The following PCDH15 variants were observed in gnomAD, a reference collection of about 807,000 sequenced individuals.
The protein encoded by PCDH15 is protocadherin related 15, also known as protocadherin-15.
In PCDH15, 129 loss-of-function variants were observed where a neutral mutation model predicts 178.5. The observed-to-expected ratio is 0.72, with a 90% CI of 0.63 to 0.84. The LOEUF (loss-of-function observed/expected upper bound fraction) is 0.84. PCDH15 is among the 40% of genes least tolerant of loss of function. The pLI is 0.00. For synonymous variants in PCDH15, 800 were observed against 732.0 expected (o/e 1.09, Z -1.50); for missense variants, 2,230 against 2,099.9 (o/e 1.06, Z -1.21).
chr10:54,003,736 CAAAAA>C lies in PCDH15; in HGVS notation c.2752-7976_2752-7972del, dbSNP rs55871741. 8.3e-3 allele frequency among the ~76,000 whole-genome samples: 633 copies of C among 76,204 alleles called. 1 individual carries two copies. The highest frequency in any genetic ancestry group is 0.018 in the African/African-American group (331 of 18,782). The allele number at this position is 76,204 out of a possible 152,430, so 50.0% of individuals were successfully genotyped here. A position where few individuals can be genotyped will look rare whatever the true frequency, so the allele number is the denominator to read the frequency against. On this transcript the variant is annotated intron_variant, in intron 20 of 37. Coordinates refer to ENST00000644397, the MANE Select transcript of PCDH15 (RefSeq NM_001384140.1). ...AATACTAATCTTACTCAAACTATTC[CAAAAA>C]AAAAAAAAAAAAAAAAAAAACAGGA... is the stretch of plus-strand genomic sequence containing the variant.
intron 15 of PCDH15, among the ~76,000 whole-genome samples, chr10:54,122,041 AC>A (rs1441025865): frequency 1.5e-5 from 2 of 135,890 alleles, no homozygotes; most frequent in Non-Finnish European, 3.0e-5. Context: ...ACAGAGACAG[AC>A]ACACACACAC....
At chr10:55,372,537 A>G (rs1004425409) in intron 2 of PCDH15, among the ~76,000 whole-genome samples, 2 of 152,182 alleles carry the variant, frequency 1.3e-5, no homozygotes, top group African/African-American at 4.8e-5. Flanking sequence ...GCATGAGGGA[A>G]AATAGTCAAA....
intron 18 of PCDH15, among the ~76,000 whole-genome samples, chr10:54,038,800 A>G (rs1212766507): frequency 2.0e-5 from 3 of 152,022 alleles, no homozygotes; most frequent in South Asian, 4.1e-4. Context: ...TTCTTAGAGT[A>G]TAAAATCCTT....
chr10:54,516,801 A>G (rs1473064614), intron 3 of PCDH15, among the ~76,000 whole-genome samples: 1 of 152,222 alleles, frequency 6.6e-6, no homozygotes, highest in Non-Finnish European at 1.5e-5. Context: ...TGTTAAGGGC[A>G]GCCAGAGAGA....
At position 54,886,879 on chromosome 10, in the gene PCDH15, A is replaced by G. The variant is rs528528394; in HGVS notation, c.-29+10571T>C. Among the ~76,000 whole-genome samples, 22 of 152,378 alleles carry G rather than the reference A, an allele frequency of 1.4e-4. No individual in the cohort carries two copies. The South Asian group carries it at 1.9e-3, about 13-fold the overall frequency. ...TGCCATTTCTGTCCACATTTCTAAC[A>G]TAACAGGAAACTCTGTGTATATTAA... On this transcript the variant is annotated intron_variant, in intron 3 of 5. Transcript: ENST00000458638.
chr10:55,106,821 A>C (rs1837358208), intron 2 of PCDH15, among the ~76,000 whole-genome samples: 1 of 152,202 alleles, frequency 6.6e-6, no homozygotes, highest in Non-Finnish European at 1.5e-5. Context: ...TCCAGGATTT[A>C]TTTGTGAATT....
chr10:54,720,131 T>A (rs1460413973), intron 1 of PCDH15, among the ~76,000 whole-genome samples: 1 of 152,100 alleles, frequency 6.6e-6, no homozygotes, highest in Non-Finnish European at 1.5e-5. Flanking sequence ...TGGAAGATAG[T>A]ATGGTGATTA....
At chr10:54,152,958 T>A (rs750892260) in intron 14 of PCDH15, 142 bp downstream of exon 14, 250 of 1,009,004 alleles carry the variant, frequency 2.5e-4, no homozygotes, top group Non-Finnish European at 3.7e-4. Context: ...ATGCATGCAG[T>A]TCCTGAGAAT....
At chr10:55,157,303 C>T (rs1838916073) in intron 2 of PCDH15, among the ~76,000 whole-genome samples, 1 of 150,804 alleles carries the variant, frequency 6.6e-6, no homozygotes, top group South Asian at 2.1e-4. Flanking sequence ...AGTCAGGAAA[C>T]AACAGGTGCT....
chr10:54,114,867 T>A lies in PCDH15; in HGVS notation c.1917+18008A>T, dbSNP rs554671969. Among the ~76,000 whole-genome samples, 5 of 152,122 alleles carry A rather than the reference T, an allele frequency of 3.3e-5. No individual in the cohort carries two copies. In the East Asian group the frequency reaches 9.6e-4, roughly 29 times the overall value. On this transcript the variant is annotated intron_variant, in intron 15 of 37. Transcript: ENST00000644397. The stretch of plus-strand genomic sequence containing the variant: ...GGCTAGAGTGGAATCAGTGAAAGGA[T>A]GAGAAGTAGGAGATGAGGTCAGGTA...
intron 20 of PCDH15, among the ~76,000 whole-genome samples, chr10:54,004,794 G>GA (rs1215071921): frequency 4.1e-5 from 6 of 148,034 alleles, no homozygotes; most frequent in Admixed American, 2.0e-4. Flanking sequence ...CAAAGAAACA[G>GA]AAAAAAAATT....
intron 1 of PCDH15, among the ~76,000 whole-genome samples, chr10:54,774,988 T>C (rs938619370): frequency 8.5e-5 from 13 of 152,200 alleles, no homozygotes; most frequent in African/African-American, 3.1e-4. Flanking sequence ...GCGTCACCTT[T>C]GTAATTTGTC....
At chr10:54,700,627 G>A (rs991772315) in intron 1 of PCDH15, among the ~76,000 whole-genome samples, 1 of 152,048 alleles carries the variant, frequency 6.6e-6, no homozygotes, top group African/African-American at 2.4e-5. Context: ...CAGAGGTTAA[G>A]TCTGGTACTA....
chr10:54,650,131 A>G (rs2094222280), intron 2 of PCDH15, among the ~76,000 whole-genome samples: 2 of 152,176 alleles, frequency 1.3e-5, no homozygotes, highest in Admixed American at 1.3e-4. Flanking sequence ...CATCAGTACT[A>G]ACATTGGAGA....
intron 1 of PCDH15, among the ~76,000 whole-genome samples, chr10:55,229,485 G>T (rs953770521): frequency 6.6e-6 from 1 of 151,718 alleles, no homozygotes; most frequent in Admixed American, 6.6e-5. Flanking sequence ...AAATTTCTCG[G>T]TATGTATATA....
At chr10:53,940,802 T>C in intron 24 of PCDH15, 64 bp downstream of exon 24, 4 of 1,216,110 alleles carry the variant, frequency 3.3e-6, no homozygotes, top group Non-Finnish European at 4.9e-6. Flanking sequence ...CAATTCAATC[T>C]GAAATTAGGC....
chr10:55,253,249 C>CGT lies in PCDH15; in HGVS notation c.-156+66348_-156+66349dup, dbSNP rs59957458. 6.5e-3 allele frequency among the ~76,000 whole-genome samples: 965 copies of CGT among 149,032 alleles called. 3 individuals are homozygous for CGT. Among genetic ancestry groups the CGT allele is most frequent in the Non-Finnish European group, 7.9e-3 (529 of 67,112 alleles). On this transcript the variant is annotated intron_variant, in intron 1 of 5. Transcript: ENST00000458638. ...ATGTGCGTGTGTGTGTGTGTGTGTG[C>CGT]GTGTGTGTGTGTGTGTGTGTGCATG...
intron 2 of PCDH15, among the ~76,000 whole-genome samples, chr10:55,324,838 A>C (rs1343553420): frequency 6.6e-6 from 1 of 152,186 alleles, no homozygotes; most frequent in Non-Finnish European, 1.5e-5. Flanking sequence ...TCTCTACCCA[A>C]AAGCTTCTTG....
chr10:54,474,411 C>CG (rs2078129678), intron 3 of PCDH15, among the ~76,000 whole-genome samples: 1 of 151,888 alleles, frequency 6.6e-6, no homozygotes, highest in African/African-American at 2.4e-5. Context: ...ATGTCAAATC[C>CG]TATGCTAAAG....
Sources: gnomAD v4.1 joint callset for allele counts (sites outside exome capture counted in the v4.1 genomes callset) on GRCh38, gnomAD v4.1.1 for gene constraint, MANE v1.5 for transcripts, NCBI Gene and HGNC (gene_info 2026-07-23, HGNC 2026-07-21) for gene names.